HERPUD2: variants seen among roughly 807,000 people sequenced by gnomAD.
The protein encoded by HERPUD2 is HERPUD family member 2.
HERPUD2 carries 13 observed loss-of-function variants against 49.9 expected under a neutral mutation model. The ratio of observed to expected loss-of-function variants is 0.26; its 90% CI spans 0.17 to 0.41. The LOEUF (loss-of-function observed/expected upper bound fraction) is 0.41. HERPUD2 is among the 10% of genes least tolerant of loss of function. HERPUD2 has a pLI of 1.00. For missense variants in HERPUD2, 449 were observed against 492.2 expected, an observed-to-expected ratio of 0.91 and a Z score of 0.83; for synonymous variants, 172 against 171.4, an observed-to-expected ratio of 1.00 and a Z score of -0.03.
intron 5 of HERPUD2, 79 bp from the exon 6 acceptor site, chr7:35,638,551 A>C (rs372278078): frequency 7.4e-7 from 1 of 1,356,476 alleles, no homozygotes; most frequent in East Asian, 2.4e-5. Context: ...TCTGAACCCC[A>C]AGTCAACCAT....
chr7:35,678,635 C>A (rs1348548980), intron 2 of HERPUD2, among the ~76,000 whole-genome samples: 1 of 152,102 alleles, frequency 6.6e-6, no homozygotes, highest in Non-Finnish European at 1.5e-5. Flanking sequence ...TTATAAATCA[C>A]AAAAGGAAAT....
intron 4 of HERPUD2, among the ~76,000 whole-genome samples, chr7:35,668,336 T>C (rs562539373): frequency 1.3e-5 from 2 of 152,338 alleles, no homozygotes; most frequent in East Asian, 3.9e-4. Context: ...AATCTTTTTA[T>C]TCTCGTGCTC....
chr7:35,684,482 C>T (rs1473577429), intron 2 of HERPUD2, among the ~76,000 whole-genome samples: 1 of 151,682 alleles, frequency 6.6e-6, no homozygotes, highest in African/African-American at 2.4e-5. Flanking sequence ...ACCCAAATGC[C>T]CATCAATCAA....
intron 2 of HERPUD2, among the ~76,000 whole-genome samples, chr7:35,677,821 G>T (rs80143270): frequency 2.0e-5 from 3 of 152,152 alleles, no homozygotes; most frequent in Non-Finnish European, 4.4e-5. Context: ...AGGGATGGGG[G>T]TCTTGTGTAG....
chr7:35,648,455 G>A (rs1391106618), intron 5 of HERPUD2, among the ~76,000 whole-genome samples: 1 of 152,130 alleles, frequency 6.6e-6, no homozygotes, highest in Admixed American at 6.5e-5. Context: ...ATTTACACCA[G>A]AGAAATCAGC....
chr7:35,694,376 C>G lies in HERPUD2; in HGVS notation c.-46G>C, dbSNP rs1304763700. On this transcript the variant is annotated 5_prime_UTR_variant, in exon 2 of 9. Coordinates refer to ENST00000311350, the MANE Select transcript of HERPUD2 (RefSeq NM_022373.5). ...GAGTCCAGAGGAGCGGCAGTTAAGC[C>G]CAAAAGAGCCGAGATGGTCACCGCC... 3 of 1,610,830 alleles carry G rather than the reference C, an allele frequency of 1.9e-6. No homozygotes were observed. Among genetic ancestry groups the G allele is most frequent in the South Asian group, 2.2e-5 (2 of 90,992 alleles).
chr7:35,648,583 C>T (rs1470076891), intron 5 of HERPUD2, among the ~76,000 whole-genome samples: 1 of 152,204 alleles, frequency 6.6e-6, no homozygotes, highest in African/African-American at 2.4e-5. Flanking sequence ...ATGCTGCTGA[C>T]CTGTTGAGAG....
At chr7:35,670,404 A>T in intron 3 of HERPUD2, 76 bp from the exon 4 acceptor site, 1 of 567,784 alleles carries the variant, frequency 1.8e-6, no homozygotes, top group East Asian at 3.2e-5. Flanking sequence ...GCTAAACTGA[A>T]ATACCTAAAA....
At chr7:35,647,559 G>A (rs1329784601) in intron 5 of HERPUD2, among the ~76,000 whole-genome samples, 4 of 151,760 alleles carry the variant, frequency 2.6e-5, no homozygotes, top group South Asian at 4.1e-4. Context: ...AAAATCTGAC[G>A]GGTAGATCTG....
At chr7:35,660,314 T>C (rs991630816) in intron 5 of HERPUD2, among the ~76,000 whole-genome samples, 1 of 152,226 alleles carries the variant, frequency 6.6e-6, no homozygotes, top group Non-Finnish European at 1.5e-5. Context: ...CCTTTGCTAT[T>C]GTGAACAGTG....
At chr7:35,648,435 T>C (rs1038423582) in intron 5 of HERPUD2, among the ~76,000 whole-genome samples, 19 of 152,150 alleles carry the variant, frequency 1.2e-4, no homozygotes, top group South Asian at 6.2e-4. Context: ...TGCTGAGCCA[T>C]GATGGGAGTA....
chr7:35,656,812 T>C (rs1186332183), intron 5 of HERPUD2, among the ~76,000 whole-genome samples: 1 of 152,216 alleles, frequency 6.6e-6, no homozygotes, highest in Non-Finnish European at 1.5e-5. Context: ...GCTAGCCATA[T>C]GCAGAAGAAT....
intron 2 of HERPUD2, among the ~76,000 whole-genome samples, chr7:35,686,575 C>G (rs1318136148): frequency 7.2e-6 from 1 of 138,626 alleles, no homozygotes; most frequent in African/African-American, 2.7e-5. Context: ...AAAAATTAGC[C>G]GGGCGTAGTG....
At position 35,667,378 on chromosome 7, in the gene HERPUD2, C is replaced by G. The variant is rs1046010008; in HGVS notation, c.494+56G>C. On this transcript the variant is annotated intron_variant, in intron 5 of 8. Transcript: ENST00000311350. ...AAGAGGCTATAGTGAAACTCAAAAG[C>G]AATTCATTTTTAGGGGGCCCCAATC... is the stretch of plus-strand genomic sequence containing the variant. 27 of 1,497,864 alleles carry G rather than the reference C, an allele frequency of 1.8e-5. No individual in the cohort carries two copies. In the African/African-American group the frequency reaches 3.7e-4, roughly 21 times the overall value. The allele number at this position is 1,497,864 out of a possible 1,614,324, so 92.8% of individuals were successfully genotyped here.
At chr7:35,634,880 T>C (rs1346705631) in intron 7 of HERPUD2, among the ~76,000 whole-genome samples, 2 of 152,230 alleles carry the variant, frequency 1.3e-5, no homozygotes, top group African/African-American at 2.4e-5. Context: ...TTCGAAATAA[T>C]GGATAGAGTA....
At position 35,635,255 on chromosome 7, in the gene HERPUD2, C is replaced by T. The variant is rs765265644; in HGVS notation, c.821G>A (p.Arg274Gln). The change falls in exon 7 of 9, where the codon CGA becomes CAA. Residue 274 changes from arginine to glutamine, a missense_variant. Physicochemically the swap from Arg to Gln is conservative, Grantham distance 43 (BLOSUM62 1). Coordinates refer to ENST00000311350, the MANE Select transcript of HERPUD2 (RefSeq NM_022373.5). ...CGTGTACATCCAGTCTAGCCAGTCT[C>T]GATTGAAGTCTTCTTCATTTAGTAC... The part of the protein sequence containing the change: ...GPVLNEEDFN[R>Q]DWLDWMYTFS... 4 of 1,613,892 alleles carry T rather than the reference C, an allele frequency of 2.5e-6. No individual in the cohort carries two copies. The highest frequency in any genetic ancestry group is 2.7e-5 in the African/African-American group (2 of 74,898).
intron 2 of HERPUD2, among the ~76,000 whole-genome samples, chr7:35,684,521 G>GAT (rs71553025): frequency 0.018 from 2,731 of 150,502 alleles, 56 homozygotes; most frequent in African/African-American, 0.044. Context: ...GTGAGAGACA[G>GAT]ATATATATAT....
chr7:35,684,668 C>T (rs1185134153), intron 2 of HERPUD2, among the ~76,000 whole-genome samples: 2 of 152,154 alleles, frequency 1.3e-5, no homozygotes, highest in African/African-American at 4.8e-5. Flanking sequence ...ATTGTATGTT[C>T]TCACTCATAA....
intron 5 of HERPUD2, among the ~76,000 whole-genome samples, chr7:35,662,692 T>C (rs1252156036): frequency 1.3e-5 from 2 of 152,206 alleles, no homozygotes; most frequent in African/African-American, 2.4e-5. Context: ...CTGATGGCCA[T>C]ATTTCTGTGG....
Sources: allele counts gnomAD v4.1 joint callset (sites outside exome capture counted in the v4.1 genomes callset), GRCh38; gene constraint gnomAD v4.1.1; transcripts MANE v1.5; gene names NCBI Gene and HGNC (gene_info 2026-07-23, HGNC 2026-07-21).